SEPSECS: variants seen among roughly 807,000 people sequenced by gnomAD.
SEPSECS encodes Sep (O-phosphoserine) tRNA:Sec (selenocysteine) tRNA synthase, also known as O-phosphoseryl-tRNA(Sec) selenium transferase.
SEPSECS carries 42 observed loss-of-function variants against 52.1 expected under a neutral mutation model. That is an observed-to-expected ratio of 0.81 (90% CI 0.63 to 1.04). The LOEUF is 1.04. Among genes scored for constraint, SEPSECS ranks in the 50% least tolerant of loss-of-function variants. The probability of loss-of-function intolerance (pLI) is 0.00; values close to 1 mark genes in which losing one functional copy is unlikely to be tolerated. For missense variants in SEPSECS, 590 were observed against 610.6 expected (o/e 0.97, Z 0.36); for synonymous variants, 216 against 211.4 (o/e 1.02, Z -0.19).
intron 10 of SEPSECS, among the ~76,000 whole-genome samples, chr4:25,125,020 T>C (rs1163792899): frequency 6.6e-6 from 1 of 152,168 alleles, no homozygotes; most frequent in Non-Finnish European, 1.5e-5. Flanking sequence ...TGTATATAGA[T>C]GAGTTCATCA....
chr4:25,141,329 C>A (rs866872495), intron 8 of SEPSECS, among the ~76,000 whole-genome samples: 1 of 152,158 alleles, frequency 6.6e-6, no homozygotes, highest in Non-Finnish European at 1.5e-5. Flanking sequence ...AGTCTCTTGG[C>A]CAATTAACTC....
chr4:25,159,918 G>A (rs1053277497), intron 1 of SEPSECS: 3 of 985,272 alleles, frequency 3.0e-6, no homozygotes, highest in Non-Finnish European at 3.6e-6. Flanking sequence ...GTCGTTGAGG[G>A]TTGGTGAAAG....
chr4:25,150,661 T>C (rs896875478), intron 6 of SEPSECS, among the ~76,000 whole-genome samples: 2 of 151,600 alleles, frequency 1.3e-5, no homozygotes, highest in East Asian at 1.9e-4. Context: ...ATGTAGAACA[T>C]AGCATCTTAA....
chr4:25,155,262 G>T, intron 4 of SEPSECS, 111 bp from the exon 5 acceptor site: 1 of 1,204,170 alleles, frequency 8.3e-7, no homozygotes, highest in Non-Finnish European at 1.2e-6. Context: ...ATTTATTTTG[G>T]TAGATTAACC....
chr4:25,120,371 G>A lies in SEPSECS; in HGVS notation c.*3560C>T, dbSNP rs1728071492. 1 of 152,242 alleles carries A rather than the reference G, an allele frequency of 6.6e-6. No individual in the cohort carries two copies. The highest frequency in any genetic ancestry group is 3.4e-3 in the Middle Eastern group (1 of 294). The allele number at this position is 152,242 out of a possible 1,614,324, so 9.4% of individuals were successfully genotyped here. ...ATGCGCACATACCAAAAGGGCAAAA[G>A]GAAAGTAAAAAGTAAGGCACAAAAG... On this transcript the variant is annotated 3_prime_UTR_variant, in exon 11 of 11. Coordinates refer to ENST00000382103, the MANE Select transcript of SEPSECS (RefSeq NM_016955.4).
chr4:25,157,034 G>C, intron 2 of SEPSECS, 60 bp from the exon 3 acceptor site: 1 of 908,946 alleles, frequency 1.1e-6, no homozygotes, highest in Non-Finnish European at 1.9e-6. Flanking sequence ...GTAATACAAT[G>C]TACAAATATG....
At chr4:25,158,852 A>C in intron 2 of SEPSECS, 101 bp downstream of exon 2, 1 of 1,231,536 alleles carries the variant, frequency 8.1e-7, no homozygotes, top group East Asian at 2.4e-5. Context: ...AGTGGTTTAC[A>C]AACTGACATT....
intron 8 of SEPSECS, among the ~76,000 whole-genome samples, chr4:25,137,541 G>A (rs1469309087): frequency 1.3e-5 from 2 of 152,120 alleles, no homozygotes; most frequent in South Asian, 2.1e-4. Flanking sequence ...AGTCATAATG[G>A]TGATTATTAA....
chr4:25,146,483 C>A (rs532422529), intron 6 of SEPSECS, among the ~76,000 whole-genome samples: 125 of 143,192 alleles, frequency 8.7e-4, no homozygotes, highest in African/African-American at 3.2e-3. Flanking sequence ...ATAAAAAAAA[C>A]TGGAAAACAT....
Position 25,124,105 on chromosome 4 carries a change from C to T in SEPSECS, c.1332G>A (p.Met444Ile). Residue 444 changes from methionine to isoleucine, a missense_variant, in exon 11 of 11, where the codon ATG (methionine) becomes ATA (isoleucine). By Grantham distance (10) the Met-to-Ile change is conservative (BLOSUM62 1). Transcript: ENST00000382103. The stretch of plus-strand genomic sequence containing the variant: ...TCTTTATGAACAGGTCCACATCCTG[C>T]ATCTTCATTCCGATGGCTGATGCAG... ...LNAASAIGMKMQDVDLFIKRL... is the reference protein window; with the variant it reads ...LNAASAIGMKIQDVDLFIKRL... 6.2e-7 allele frequency: 1 copy of T among 1,613,818 alleles called. No homozygotes were observed. The highest frequency in any genetic ancestry group is 1.1e-5 in the South Asian group (1 of 91,066).
chr4:25,130,878 A>G lies in SEPSECS; in HGVS notation c.1027-3521T>C, dbSNP rs149878133. 2.3e-4 allele frequency among the ~76,000 whole-genome samples: 35 copies of G among 152,316 alleles called. 1 individual carries two copies. The East Asian group carries it at 6.4e-3, about 28-fold the overall frequency. On this transcript the variant is annotated intron_variant, in intron 8 of 10. Coordinates refer to ENST00000382103, the MANE Select transcript of SEPSECS (RefSeq NM_016955.4). ...ACAGTTAAATCTATAACTGGCATTTATTATAAAATACTTCTGTAAAGAAAG... is the reference window on the plus strand; with the variant it reads ...ACAGTTAAATCTATAACTGGCATTTGTTATAAAATACTTCTGTAAAGAAAG...
chr4:25,144,325 T>G (rs1362952291), intron 8 of SEPSECS, among the ~76,000 whole-genome samples: 22 of 66,264 alleles, frequency 3.3e-4, no homozygotes, highest in African/African-American at 8.6e-4. Context: ...AAGACTCCGC[T>G]CAAAAAAAAA....
At chr4:25,144,936 A>C in intron 7 of SEPSECS, 68 bp downstream of exon 7, 1 of 1,599,144 alleles carries the variant, frequency 6.3e-7, no homozygotes, top group Non-Finnish European at 8.6e-7. Context: ...GATTTACTAC[A>C]ATAGCCTATG....
chr4:25,140,676 T>C (rs1577613616), intron 8 of SEPSECS, among the ~76,000 whole-genome samples: 2 of 152,236 alleles, frequency 1.3e-5, no homozygotes, highest in Admixed American at 6.5e-5. Flanking sequence ...CATATGTATA[T>C]AAATGTATAA....
chr4:25,151,910 T>C (rs761302205), intron 6 of SEPSECS, 50 bp downstream of exon 6: 1 of 961,830 alleles, frequency 1.0e-6, no homozygotes, highest in South Asian at 1.3e-5. Context: ...TCCTATAATA[T>C]GTTAAAATGA....
At chr4:25,134,320 A>ATGTG (rs3066762) in intron 8 of SEPSECS, among the ~76,000 whole-genome samples, 46,649 of 144,828 alleles carry the variant, frequency 0.32, 8,100 homozygotes, top group Non-Finnish European at 0.4. Flanking sequence ...ATCTTTAAAA[A>ATGTG]TGTGTGTGTG....
chr4:25,128,276 A>G (rs752098902), intron 8 of SEPSECS, among the ~76,000 whole-genome samples: 3 of 152,168 alleles, frequency 2.0e-5, no homozygotes, highest in Non-Finnish European at 4.4e-5. Context: ...AGACTTTAGT[A>G]TGCAAGTTAT....
At chr4:25,137,048 T>C (rs1044046680) in intron 8 of SEPSECS, among the ~76,000 whole-genome samples, 1 of 152,084 alleles carries the variant, frequency 6.6e-6, no homozygotes, top group African/African-American at 2.4e-5. Context: ...TCCTTACACC[T>C]TAGACAAAAA....
chr4:25,156,078 C>G lies in SEPSECS; in HGVS notation c.506G>C (p.Arg169Pro). The change falls in exon 4 of 11, where the codon CGA becomes CCA. Residue 169 changes from arginine (R) to proline (P), a missense_variant. Transcript: ENST00000382103. ...RPKAKYIIWP[R>P]IDQKSCFKSM... ...TTTAAAGCAGGACTTCTGGTCTATT[C>G]GTGGCCATATAATATACTTTGCCTT... The G allele has an allele frequency of 6.2e-7, 1 of 1,613,904 alleles. No individual in the cohort carries two copies. Among genetic ancestry groups the G allele is most frequent in the Non-Finnish European group, 8.5e-7 (1 of 1,179,892 alleles).
Sources: gnomAD v4.1 joint callset for allele counts (sites outside exome capture counted in the v4.1 genomes callset) on GRCh38, gnomAD v4.1.1 for gene constraint, MANE v1.5 for transcripts, NCBI Gene and HGNC (gene_info 2026-07-23, HGNC 2026-07-21) for gene names.